CREB5: variants seen among roughly 807,000 people sequenced by gnomAD.
CREB5 encodes the protein cyclic AMP-responsive element-binding protein 5.
Under a neutral mutation model 57.1 loss-of-function variants are expected in CREB5, and 19 were observed. That is an observed-to-expected ratio of 0.33 (90% CI 0.23 to 0.49). The LOEUF is 0.49. Among genes scored for constraint, CREB5 ranks in the 20% least tolerant of loss-of-function variants. The pLI is 0.99. For missense variants in CREB5, 579 were observed against 671.6 expected, an observed-to-expected ratio of 0.86 and a Z score of 1.52; for synonymous variants, 238 against 238.3, an observed-to-expected ratio of 1.00 and a Z score of 0.01.
intron 5 of CREB5, among the ~76,000 whole-genome samples, chr7:28,588,728 C>T (rs1796389032): frequency 6.6e-6 from 1 of 152,188 alleles, no homozygotes; most frequent in South Asian, 2.1e-4. Flanking sequence ...GCAGCTCTGC[C>T]TATGACACAA....
At chr7:28,628,246 T>C (rs1398931057) in intron 5 of CREB5, among the ~76,000 whole-genome samples, 1 of 151,866 alleles carries the variant, frequency 6.6e-6, no homozygotes, top group Non-Finnish European at 1.5e-5. Flanking sequence ...ACTTTTGTGG[T>C]CTACATTTGT....
At chr7:28,725,422 G>A (rs2128749583) in intron 7 of CREB5, among the ~76,000 whole-genome samples, 1 of 152,276 alleles carries the variant, frequency 6.6e-6, no homozygotes, top group South Asian at 2.1e-4. Flanking sequence ...GCTACCTTGG[G>A]CAAATAAAAT....
intron 1 of CREB5, among the ~76,000 whole-genome samples, chr7:28,432,584 GAA>G (rs1238541761): frequency 6.6e-6 from 1 of 152,126 alleles, no homozygotes; most frequent in East Asian, 1.9e-4. Flanking sequence ...ACTGGGAAAG[GAA>G]AAGTTCTTAA....
In CREB5 at chr7:28,488,155, C is replaced by T; in HGVS notation, c.4-20C>T. The T allele has an allele frequency of 2.5e-6, 4 of 1,611,968 alleles. No homozygotes were observed. Among genetic ancestry groups the T allele is most frequent in the Non-Finnish European group, 1.7e-6 (2 of 1,178,474 alleles). On this transcript the variant is annotated intron_variant, in intron 1 of 10. Transcript: ENST00000357727. ...TCATGGATTTCTTTTTCCTTCCTCC[C>T]TTTCCCTCTGATCCTTCAGATTTAT...
At chr7:28,484,519 C>T (rs1410022173) in intron 1 of CREB5, among the ~76,000 whole-genome samples, 2 of 152,210 alleles carry the variant, frequency 1.3e-5, no homozygotes, top group Non-Finnish European at 2.9e-5. Flanking sequence ...TTGAAGTTCA[C>T]ACACTTACAA....
At chr7:28,572,300 A>G (rs887985837) in intron 5 of CREB5, among the ~76,000 whole-genome samples, 1 of 152,220 alleles carries the variant, frequency 6.6e-6, no homozygotes, top group Non-Finnish European at 1.5e-5. Flanking sequence ...AAAGGAGTCA[A>G]TGCTAGGTTG....
chr7:28,609,568 C>T (rs572414934), intron 5 of CREB5, among the ~76,000 whole-genome samples: 2 of 152,286 alleles, frequency 1.3e-5, no homozygotes, highest in South Asian at 2.1e-4. Flanking sequence ...AGCTTAAAGA[C>T]AACTGTATGA....
At chr7:28,393,696 G>C (rs1032777959) in intron 1 of CREB5, among the ~76,000 whole-genome samples, 4 of 152,230 alleles carry the variant, frequency 2.6e-5, no homozygotes, top group Admixed American at 1.3e-4. Context: ...AAAGGAATGA[G>C]AGCAACATTG....
At chr7:28,651,280 T>C (rs1305034970) in intron 5 of CREB5, among the ~76,000 whole-genome samples, 1 of 152,090 alleles carries the variant, frequency 6.6e-6, no homozygotes, top group African/African-American at 2.4e-5. Context: ...GATGGAGATA[T>C]GCTAAAAATA....
intron 4 of CREB5, among the ~76,000 whole-genome samples, chr7:28,541,675 A>G (rs1794216987): frequency 6.6e-6 from 1 of 151,834 alleles, no homozygotes; most frequent in Admixed American, 6.6e-5. Context: ...ACAAACAAAC[A>G]AACAACAACA....
chr7:28,648,133 G>A (rs146116185), intron 5 of CREB5, among the ~76,000 whole-genome samples: 1 of 152,260 alleles, frequency 6.6e-6, no homozygotes, highest in East Asian at 1.9e-4. Context: ...TATGTTGAAT[G>A]CAAGATAATT....
intron 5 of CREB5, among the ~76,000 whole-genome samples, chr7:28,711,383 G>A (rs1329078513): frequency 6.6e-6 from 1 of 152,142 alleles, no homozygotes; most frequent in Non-Finnish European, 1.5e-5. Flanking sequence ...GAGTCTGCTG[G>A]CATTTTGATG....
intron 1 of CREB5, among the ~76,000 whole-genome samples, chr7:28,432,421 CA>C (rs1788760020): frequency 6.6e-6 from 1 of 152,170 alleles, no homozygotes; most frequent in Non-Finnish European, 1.5e-5. Flanking sequence ...GGCTCTTTTG[CA>C]AGCCGGCAGG....
intron 1 of CREB5, among the ~76,000 whole-genome samples, chr7:28,370,388 G>A (rs1311811552): frequency 6.6e-6 from 1 of 152,164 alleles, no homozygotes; most frequent in African/African-American, 2.4e-5. Context: ...ATGAAATCTT[G>A]TATGTGAAAG....
At chr7:28,303,619 T>A (rs1298110258) in intron 1 of CREB5, among the ~76,000 whole-genome samples, 1 of 152,200 alleles carries the variant, frequency 6.6e-6, no homozygotes, top group Non-Finnish European at 1.5e-5. Context: ...TGAACAGGAA[T>A]TTTATATTGT....
At chr7:28,770,604 A>G (rs912884885) in intron 7 of CREB5, among the ~76,000 whole-genome samples, 1 of 152,254 alleles carries the variant, frequency 6.6e-6, no homozygotes, top group Admixed American at 6.5e-5. Context: ...AGAAAACCCA[A>G]TTGTGGTAAA....
At chr7:28,751,376 A>G (rs1036178904) in intron 7 of CREB5, among the ~76,000 whole-genome samples, 1 of 152,236 alleles carries the variant, frequency 6.6e-6, no homozygotes, top group Non-Finnish European at 1.5e-5. Flanking sequence ...CATGTTGGCC[A>G]TGTGAAGATC....
At chr7:28,397,927 T>C (rs1455713444) in intron 1 of CREB5, among the ~76,000 whole-genome samples, 1 of 152,214 alleles carries the variant, frequency 6.6e-6, no homozygotes, top group East Asian at 1.9e-4. Flanking sequence ...TTTTTCATCA[T>C]TTTTTATTAT....
chr7:28,774,253 A>C (rs1418440873), intron 7 of CREB5, among the ~76,000 whole-genome samples: 1 of 152,204 alleles, frequency 6.6e-6, no homozygotes, highest in Non-Finnish European at 1.5e-5. Flanking sequence ...TGGCTACTGC[A>C]GGTAGTAGTC....
Sources: allele counts gnomAD v4.1 joint callset (sites outside exome capture counted in the v4.1 genomes callset), GRCh38; gene constraint gnomAD v4.1.1; transcripts MANE v1.5; gene names NCBI Gene and HGNC (gene_info 2026-07-23, HGNC 2026-07-21).